Variants in IMMP2L observed in about 807,000 individuals in gnomAD.
The protein encoded by IMMP2L is mitochondrial inner membrane protease subunit 2.
A neutral mutation model predicts 19.3 loss-of-function variants in IMMP2L; 18 were observed. That is an observed-to-expected ratio of 0.93 (90% CI 0.64 to 1.38). The LOEUF (loss-of-function observed/expected upper bound fraction) is 1.38. IMMP2L is among the 40% of genes most tolerant of loss of function. The pLI is 0.00. For missense variants in IMMP2L, 233 were observed against 218.2 expected (o/e 1.07, Z -0.43); for synonymous variants, 76 against 73.0 (o/e 1.04, Z -0.21).
chr7:111,267,693 T>C (rs1045470640), intron 3 of IMMP2L, among the ~76,000 whole-genome samples: 2 of 152,166 alleles, frequency 1.3e-5, no homozygotes, highest in Admixed American at 1.3e-4. Flanking sequence ...ATTTTTTTTC[T>C]TTTTTGAGCT....
intron 3 of IMMP2L, among the ~76,000 whole-genome samples, chr7:111,418,687 T>C (rs1835179009): frequency 6.6e-6 from 1 of 151,828 alleles, no homozygotes; most frequent in South Asian, 2.1e-4. Flanking sequence ...AAACAATATA[T>C]TGATCAAATC....
intron 4 of IMMP2L, among the ~76,000 whole-genome samples, chr7:110,956,748 T>A (rs955876394): frequency 1.3e-5 from 2 of 151,952 alleles, no homozygotes; most frequent in Admixed American, 6.6e-5. Context: ...TTCTATAAAA[T>A]GGTATTTCAC....
intron 3 of IMMP2L, among the ~76,000 whole-genome samples, chr7:110,997,629 T>A (rs1823183556): frequency 6.6e-6 from 1 of 152,200 alleles, no homozygotes; most frequent in African/African-American, 2.4e-5. Flanking sequence ...TTAACATCTT[T>A]TCATGTGCTT....
chr7:111,501,287 G>A (rs1054328690), intron 2 of IMMP2L, among the ~76,000 whole-genome samples: 217 of 152,216 alleles, frequency 1.4e-3, no homozygotes, highest in Admixed American at 3.2e-3. Context: ...AGAATAAAAA[G>A]AAACAAACAA....
rs377099948 is a variant in IMMP2L at position 111,169,971 on chromosome 7, G to A, written c.240-206406C>T. ...TATATTAGATTTTAAAAGCACCCAC[G>A]TTAATCCGGTTTCACAAAAGATATG... On this transcript the variant is annotated intron_variant, in intron 3 of 5. Transcript: ENST00000405709. 3.7e-4 allele frequency among the ~76,000 whole-genome samples: 56 copies of A among 151,830 alleles called. 2 individuals carry two copies. Among genetic ancestry groups the A allele is most frequent in the East Asian group, 1.9e-3 (10 of 5,144 alleles).
intron 3 of IMMP2L, among the ~76,000 whole-genome samples, chr7:111,110,988 A>G (rs2129583364): frequency 6.6e-6 from 1 of 152,304 alleles, no homozygotes; most frequent in South Asian, 2.1e-4. Flanking sequence ...CTATAACATA[A>G]TATAAAACCA....
Position 110,885,176 on chromosome 7 carries a change from AT to A in IMMP2L, c.408+1416del, listed in dbSNP as rs532007143. ...AAACCAGAAGTATTTCAAATTTTGGATTTTTTTTTTATTTCGGAGTATTTGC... is the reference window on the plus strand; with the variant it reads ...AAACCAGAAGTATTTCAAATTTTGGATTTTTTTTTATTTCGGAGTATTTGC... On this transcript the variant is annotated intron_variant, in intron 5 of 5. Coordinates refer to ENST00000405709, the MANE Select transcript of IMMP2L (RefSeq NM_032549.4). Among the ~76,000 whole-genome samples, 786 of 150,304 alleles carry A rather than the reference AT, an allele frequency of 5.2e-3. 8 individuals are homozygous for A. Among genetic ancestry groups the A allele is most frequent in the African/African-American group, 0.017 (707 of 41,054 alleles).
At chr7:110,691,621 TA>T in intron 5 of IMMP2L, among the ~76,000 whole-genome samples, 1 of 150,618 alleles carries the variant, frequency 6.6e-6, no homozygotes, top group South Asian at 2.1e-4. Flanking sequence ...AAGAAAAAAA[TA>T]AAAAATCCTA....
intron 5 of IMMP2L, among the ~76,000 whole-genome samples, chr7:110,667,413 T>C (rs1310458677): frequency 6.6e-6 from 1 of 152,214 alleles, no homozygotes; most frequent in Non-Finnish European, 1.5e-5. Context: ...CACATCTTAA[T>C]TGCCAGAAGC....
chr7:111,192,242 C>T (rs528850748), intron 3 of IMMP2L, among the ~76,000 whole-genome samples: 1 of 152,096 alleles, frequency 6.6e-6, no homozygotes, highest in East Asian at 1.9e-4. Context: ...ATTATGAGAG[C>T]TCATATTCCC....
At chr7:110,817,631 C>A (rs967413649) in intron 5 of IMMP2L, among the ~76,000 whole-genome samples, 1 of 151,980 alleles carries the variant, frequency 6.6e-6, no homozygotes. Flanking sequence ...TCATATGGAA[C>A]CAAAAAAGAG....
chr7:111,145,091 T>C (rs1733721638), intron 3 of IMMP2L, among the ~76,000 whole-genome samples: 1 of 151,950 alleles, frequency 6.6e-6, no homozygotes, highest in African/African-American at 2.4e-5. Flanking sequence ...AGGTAGGATC[T>C]ACAACAAAAG....
chr7:111,075,125 T>C (rs1432805715), intron 3 of IMMP2L, among the ~76,000 whole-genome samples: 1 of 16,052 alleles, frequency 6.2e-5, no homozygotes, highest in Non-Finnish European at 4.2e-4. Flanking sequence ...ACTTTTTTTT[T>C]TTTTTTTTTT....
At position 111,486,680 on chromosome 7, in the gene IMMP2L, C is replaced by T. The variant is rs1467971865; in HGVS notation, c.239+558G>A. Reference sequence around the variant, plus strand: ...TGTCAGTTATACACACTTTGACATTCCTTTTCTACATTAAGACTGGAATGA... The same window carrying T: ...TGTCAGTTATACACACTTTGACATTTCTTTTCTACATTAAGACTGGAATGA... On this transcript the variant is annotated intron_variant, in intron 3 of 5. Transcript: ENST00000405709. Among the ~76,000 whole-genome samples the T allele has an allele frequency of 1.2e-4, 19 of 152,228 alleles. 2 individuals carry two copies. In the South Asian group the frequency reaches 3.9e-3, roughly 32 times the overall value.
chr7:111,152,454 CT>C (rs374096365), intron 3 of IMMP2L, among the ~76,000 whole-genome samples: 195 of 152,284 alleles, frequency 1.3e-3, no homozygotes, highest in Middle Eastern at 6.8e-3. Flanking sequence ...CATTTTAGCA[CT>C]GCATTTGTTT....
At chr7:110,871,242 T>A (rs980688071) in intron 5 of IMMP2L, among the ~76,000 whole-genome samples, 1 of 152,144 alleles carries the variant, frequency 6.6e-6, no homozygotes, top group African/African-American at 2.4e-5. Context: ...ATTCAAGATG[T>A]TTCTTGAACA....
chr7:110,822,202 A>G (rs935751208), intron 5 of IMMP2L, among the ~76,000 whole-genome samples: 5 of 151,932 alleles, frequency 3.3e-5, no homozygotes, highest in African/African-American at 1.2e-4. Context: ...AATCTGGAAA[A>G]CTCTTCCTTT....
At chr7:111,493,428 C>A (rs994845476) in intron 2 of IMMP2L, among the ~76,000 whole-genome samples, 2 of 152,068 alleles carry the variant, frequency 1.3e-5, no homozygotes, top group African/African-American at 2.4e-5. Context: ...ACAGGCCGGG[C>A]GCAGTGGCTC....
At chr7:110,969,995 G>A (rs1819968154) in intron 3 of IMMP2L, among the ~76,000 whole-genome samples, 1 of 152,072 alleles carries the variant, frequency 6.6e-6, no homozygotes, top group Admixed American at 6.6e-5. Context: ...CTGAACTGTT[G>A]TTTATTGATA....
Sources: allele counts gnomAD v4.1 joint callset (sites outside exome capture counted in the v4.1 genomes callset), GRCh38; gene constraint gnomAD v4.1.1; transcripts MANE v1.5; gene names NCBI Gene and HGNC (gene_info 2026-07-23, HGNC 2026-07-21).